The following ZZEF1 variants were observed in gnomAD, a reference collection of about 807,000 sequenced individuals.
ZZEF1 encodes zinc finger ZZ-type and EF-hand domain-containing protein 1.
A neutral mutation model predicts 342.8 loss-of-function variants in ZZEF1; 157 were observed. The observed-to-expected ratio is 0.46, with a 90% confidence interval of 0.40 to 0.52. The LOEUF is 0.52. Among genes scored for constraint, ZZEF1 ranks in the 20% least tolerant of loss-of-function variants. The pLI is 0.00. For synonymous variants in ZZEF1, 1,505 were observed against 1,429.1 expected, an observed-to-expected ratio of 1.05 and a Z score of -1.20; for missense variants, 3,480 against 3,725.6, an observed-to-expected ratio of 0.93 and a Z score of 1.72.
intron 9 of ZZEF1, among the ~76,000 whole-genome samples, chr17:4,101,615 A>C (rs2058127997): frequency 6.6e-6 from 1 of 152,008 alleles, no homozygotes; most frequent in African/African-American, 2.4e-5. Context: ...ATATCTGGAA[A>C]TACCCTTCTT....
At chr17:4,009,538 C>A (rs768785693) in intron 53 of ZZEF1, 66 bp downstream of exon 53, 1 of 1,603,696 alleles carries the variant, frequency 6.2e-7, no homozygotes. Flanking sequence ...AGCTTCTGCC[C>A]TGGGTAGCAG....
chr17:4,044,323 T>G lies in ZZEF1; in HGVS notation c.6067A>C (p.Asn2023His). 2 of 1,614,170 alleles carry G rather than the reference T, an allele frequency of 1.2e-6. No individual in the cohort carries two copies. Among genetic ancestry groups the G allele is most frequent in the South Asian group, 2.2e-5 (2 of 91,086 alleles). The change falls in exon 38 of 55, where the codon AAT (asparagine) becomes CAT (histidine). Residue 2023 changes from asparagine (N) to histidine (H), a missense_variant. This residue lies in a region of ZZEF1 where 1,269 missense variants were observed against 1,342.4 expected (regional missense o/e 0.95). Transcript: ENST00000381638. ...EIRPVDFKQR[N>H]KADKGVSLSK... The stretch of plus-strand genomic sequence containing the variant: ...AATGATACACCTTTATCTGCCTTAT[T>G]TCTCTGCTTGAAATCTACAGGTCTG...
In ZZEF1 at chr17:4,005,647, C is replaced by A; in HGVS notation, c.*1243G>T. The A allele has an allele frequency of 6.6e-6, 1 of 152,494 alleles. No homozygotes were observed. The highest frequency in any genetic ancestry group is 1.5e-5 in the Non-Finnish European group (1 of 68,146). The allele number at this position is 152,494 out of a possible 1,614,324, so 9.4% of individuals were successfully genotyped here. A position where few individuals can be genotyped will look rare whatever the true frequency, so the allele number is the denominator to read the frequency against. Reference sequence around the variant, plus strand: ...TGCACAGAGGGATCTTCAGAGGCCACGGGGCACACTGGGCCATGGCAATGC... The same window carrying A: ...TGCACAGAGGGATCTTCAGAGGCCAAGGGGCACACTGGGCCATGGCAATGC... On this transcript the variant is annotated 3_prime_UTR_variant, in exon 55 of 55. Coordinates refer to ENST00000381638, the MANE Select transcript of ZZEF1 (RefSeq NM_015113.4).
chr17:4,017,771 T>C lies in ZZEF1; in HGVS notation c.7642-41A>G, dbSNP rs368989319. The C allele has an allele frequency of 1.4e-5, 23 of 1,611,344 alleles. No homozygotes were observed. In the African/African-American group the frequency reaches 3.1e-4, roughly 22 times the overall value. On this transcript the variant is annotated intron_variant, in intron 47 of 54. Coordinates refer to ENST00000381638, the MANE Select transcript of ZZEF1 (RefSeq NM_015113.4). This position sits in a 1 kb window ranked among gnomAD's most constrained non-coding sequence, Gnocchi z 5.1. The stretch of plus-strand genomic sequence containing the variant: ...CACCATTACAGAGGTCTAGCCTTCT[T>C]ACAGTGGTGGTATGGGGTGGGGGAT...
chr17:4,133,216 C>T (rs1031185679), intron 1 of ZZEF1, among the ~76,000 whole-genome samples: 5 of 152,162 alleles, frequency 3.3e-5, no homozygotes, highest in African/African-American at 7.2e-5. Context: ...TTTGGGCACT[C>T]GTTAAATGCC....
intron 2 of ZZEF1, among the ~76,000 whole-genome samples, chr17:4,120,128 C>T (rs992413388): frequency 9.2e-5 from 14 of 151,938 alleles, no homozygotes; most frequent in Non-Finnish European, 2.1e-4. Context: ...GAGGCCAAGG[C>T]GGGCAGATCA....
intron 19 of ZZEF1, among the ~76,000 whole-genome samples, chr17:4,077,416 A>G (rs546958299): frequency 6.6e-6 from 1 of 152,304 alleles, no homozygotes; most frequent in South Asian, 2.1e-4. Flanking sequence ...TTTTCCACGT[A>G]TAATTTGTCA....
chr17:4,042,586 C>T lies in ZZEF1; in HGVS notation c.6167-18G>A. 1 of 1,609,034 alleles carries T rather than the reference C, an allele frequency of 6.2e-7. No individual in the cohort carries two copies. Among genetic ancestry groups the T allele is most frequent in the South Asian group, 1.1e-5 (1 of 90,168 alleles). On this transcript the variant is annotated intron_variant, in intron 38 of 54. Coordinates refer to ENST00000381638, the MANE Select transcript of ZZEF1 (RefSeq NM_015113.4). Reference sequence around the variant, plus strand: ...TTCAGCATCTAAGTGGTAAAACAAACTTTCAGAATTTGCCTGCATCTCCAC... The same window carrying T: ...TTCAGCATCTAAGTGGTAAAACAAATTTTCAGAATTTGCCTGCATCTCCAC...
intron 1 of ZZEF1, among the ~76,000 whole-genome samples, chr17:4,128,448 T>C (rs1448444406): frequency 2.5e-5 from 3 of 118,880 alleles, no homozygotes; most frequent in Non-Finnish European, 5.2e-5. Context: ...AGAAATATTT[T>C]TCTAAAGTTG....
At chr17:4,140,442 T>C (rs1291962434) in intron 1 of ZZEF1, among the ~76,000 whole-genome samples, 4 of 152,232 alleles carry the variant, frequency 2.6e-5, no homozygotes, top group African/African-American at 9.6e-5. Flanking sequence ...TTATTCCTTA[T>C]ACCTTCCCCC....
intron 13 of ZZEF1, 33 bp from the exon 14 acceptor site, chr17:4,087,567 C>G (rs745801508): frequency 6.4e-7 from 1 of 1,552,004 alleles, no homozygotes; most frequent in South Asian, 1.2e-5. Flanking sequence ...ATAAATAAAA[C>G]TGAAAAATGC....
At position 4,004,708 on chromosome 17, in the gene ZZEF1, C is replaced by T. The variant is rs2055766121; in HGVS notation, c.*2182G>A. 6.6e-6 allele frequency: 1 copy of T among 152,336 alleles called. No homozygotes were observed. Among genetic ancestry groups the T allele is most frequent in the South Asian group, 2.1e-4 (1 of 4,834 alleles). 9.4% of individuals were successfully genotyped at this position (152,336 alleles called of 1,614,324 possible). A position where few individuals can be genotyped will look rare whatever the true frequency, so the allele number is the denominator to read the frequency against. ...ACAGGATTTCTTTACAGCGTAGGCA[C>T]GTGTTTCCACCTTTGCTCTGCGGGC... On this transcript the variant is annotated 3_prime_UTR_variant, in exon 55 of 55. Transcript: ENST00000381638.
At chr17:4,137,612 T>A (rs1279972325) in intron 1 of ZZEF1, among the ~76,000 whole-genome samples, 1 of 151,858 alleles carries the variant, frequency 6.6e-6, no homozygotes, top group Non-Finnish European at 1.5e-5. Context: ...TGTCTCAAAA[T>A]AATAATAATA....
intron 38 of ZZEF1, among the ~76,000 whole-genome samples, chr17:4,043,412 C>A (rs1212339877): frequency 6.6e-6 from 1 of 152,198 alleles, no homozygotes. Flanking sequence ...ATACACACTG[C>A]ATAGATAAGC....
At chr17:4,099,056 T>A (rs1362830832) in intron 9 of ZZEF1, among the ~76,000 whole-genome samples, 1 of 152,110 alleles carries the variant, frequency 6.6e-6, no homozygotes, top group Non-Finnish European at 1.5e-5. Context: ...GCAGAAGCAA[T>A]AATTTAAGTC....
At chr17:4,110,930 C>G in intron 5 of ZZEF1, among the ~76,000 whole-genome samples, 1 of 152,148 alleles carries the variant, frequency 6.6e-6, no homozygotes, top group Non-Finnish European at 1.5e-5. Flanking sequence ...CCAGGCTGGT[C>G]TAGAACTCCT....
In ZZEF1 at chr17:4,050,821, C is replaced by A; in HGVS notation, c.5823G>T (p.Gln1941His). The change falls in exon 36 of 55, where the codon CAG (glutamine) becomes CAT (histidine). Residue 1941 changes from glutamine to histidine, a missense_variant. Coordinates refer to ENST00000381638, the MANE Select transcript of ZZEF1 (RefSeq NM_015113.4). ...CCTTCATCAGACAGTCCCCGACGAGCTGCATGCACTGGCTCCGCAGGGTGG... is the reference window on the plus strand; with the variant it reads ...CCTTCATCAGACAGTCCCCGACGAGATGCATGCACTGGCTCCGCAGGGTGG... ...SATTLRSQCM[Q>H]LVGDCLMKAH... 1 of 1,614,182 alleles carries A rather than the reference C, an allele frequency of 6.2e-7. No individual in the cohort carries two copies. The highest frequency in any genetic ancestry group is 8.5e-7 in the Non-Finnish European group (1 of 1,180,042).
rs113804422 is a variant in ZZEF1, at chr17:4,080,953, C to A, written c.2829+423G>T. ...TAAGAGTCAAGTAACAAAGTACATT[C>A]ATGCCAGGCAGAGTGGCTCACACCT... On this transcript the variant is annotated intron_variant, in intron 18 of 54. Coordinates refer to ENST00000381638, the MANE Select transcript of ZZEF1 (RefSeq NM_015113.4). Among the ~76,000 whole-genome samples the A allele has an allele frequency of 8.9e-4, 135 of 152,296 alleles. 2 individuals are homozygous for A. The highest frequency in any genetic ancestry group is 3.1e-3 in the African/African-American group (129 of 41,578).
intron 7 of ZZEF1, among the ~76,000 whole-genome samples, chr17:4,105,256 T>C (rs1401273258): frequency 6.6e-6 from 1 of 152,314 alleles, no homozygotes; most frequent in East Asian, 1.9e-4. Context: ...AATGCAATAA[T>C]GTCCTCAGGG....
Sources: allele counts gnomAD v4.1 joint callset (sites outside exome capture counted in the v4.1 genomes callset), GRCh38; gene constraint gnomAD v4.1.1; regional missense constraint gnomAD v4.1.1; non-coding constraint Gnocchi (gnomAD v3.1); transcripts MANE v1.5; gene names NCBI Gene and HGNC (gene_info 2026-07-23, HGNC 2026-07-21).